The following RAPGEF2 variants were observed in gnomAD, a reference collection of about 807,000 sequenced individuals.
RAPGEF2 encodes Rap guanine nucleotide exchange factor 2.
A neutral mutation model predicts 186.7 loss-of-function variants in RAPGEF2; 54 were observed. That is an observed-to-expected ratio of 0.29 (90% CI 0.23 to 0.36). The LOEUF is 0.36. Ranked by LOEUF, RAPGEF2 falls within the 10% of genes least tolerant of loss-of-function variation. The pLI, the probability that RAPGEF2 is intolerant of heterozygous loss-of-function variation, is 1.00. For missense variants in RAPGEF2, 1,532 were observed against 2,045.0 expected (o/e 0.75, Z 4.84); for synonymous variants, 712 against 705.9 (o/e 1.01, Z -0.14).
In RAPGEF2 at chr4:159,210,558, G is replaced by A; in HGVS notation, c.256G>A (p.Glu86Lys). The A allele has an allele frequency of 6.5e-7, 1 of 1,533,096 alleles. No homozygotes were observed. The highest frequency in any genetic ancestry group is 2.0e-5 in the Admixed American group (1 of 50,968). The allele number at this position is 1,533,096 out of a possible 1,614,324, so 95.0% of individuals were successfully genotyped here. The change falls in exon 4 of 30, where the codon GAA (glutamate) becomes AAA (lysine). Residue 86 changes from glutamate (E) to lysine (K), a missense_variant. Glu to Lys is a moderately conservative substitution (Grantham distance 56). Transcript: ENST00000691494. ...TCTTTCTGGTTCCGTGTTCATCAAG[G>A]AATCCATGTTTCTTCCAAGAAGCAG... ...ILLSGSVFIK[E>K]SMFLPRSSFG...
At chr4:159,336,149 TTG>T (rs1360951497) in intron 17 of RAPGEF2, among the ~76,000 whole-genome samples, 4 of 123,336 alleles carry the variant, frequency 3.2e-5, no homozygotes, top group Non-Finnish European at 6.7e-5. Flanking sequence ...CACACTGAAA[TTG>T]TCTTTATTTT....
chr4:159,147,921 T>G (rs75437977), intron 1 of RAPGEF2, among the ~76,000 whole-genome samples: 2,265 of 152,326 alleles, frequency 0.015, 69 homozygotes, highest in African/African-American at 0.051. Flanking sequence ...CTGGCACATG[T>G]GCCTAATAAA....
intron 9 of RAPGEF2, among the ~76,000 whole-genome samples, chr4:159,319,652 C>A (rs1447257017): frequency 2.0e-5 from 3 of 152,040 alleles, no homozygotes; most frequent in Admixed American, 2.0e-4. Flanking sequence ...TCTGGTTTAG[C>A]ATTTATGTAT....
intron 1 of RAPGEF2, among the ~76,000 whole-genome samples, chr4:159,125,842 T>C (rs1323215258): frequency 6.6e-6 from 1 of 152,214 alleles, no homozygotes; most frequent in Non-Finnish European, 1.5e-5. Context: ...AAGAGGCTGT[T>C]CCAATTGGAT....
In RAPGEF2 at chr4:159,278,114, T is replaced by A. The variant is rs185981841; in HGVS notation, c.544-26228T>A. ...AAGTCTTTAATCCATCTCCAATTAA[T>A]TTTTGTATAAGGTGTAAGGAAGGGA... On this transcript the variant is annotated intron_variant, in intron 7 of 29. Transcript: ENST00000691494. Among the ~76,000 whole-genome samples, 640 of 152,334 alleles carry A rather than the reference T, an allele frequency of 4.2e-3. 9 individuals are homozygous for A. Among genetic ancestry groups the A allele is most frequent in the African/African-American group, 0.015 (608 of 41,570 alleles).
chr4:159,284,530 ACACACG>A (rs1760188214), intron 7 of RAPGEF2, among the ~76,000 whole-genome samples: 1 of 133,032 alleles, frequency 7.5e-6, no homozygotes, highest in East Asian at 2.2e-4. Flanking sequence ...ACACACACAC[ACACACG>A]AATTGTAAAT....
chr4:159,295,746 T>TGCGC (rs1379863528), intron 7 of RAPGEF2, among the ~76,000 whole-genome samples: 5 of 125,568 alleles, frequency 4.0e-5, no homozygotes, highest in Admixed American at 7.4e-5. Context: ...TGTGTGTGTG[T>TGCGC]GTGTGTGTGC....
intron 7 of RAPGEF2, among the ~76,000 whole-genome samples, chr4:159,295,701 AAGAG>A (rs547588809): frequency 2.6e-4 from 38 of 145,560 alleles, no homozygotes; most frequent in South Asian, 6.8e-4. Flanking sequence ...TGACTAGCAT[AAGAG>A]AGAGAGAGTG....
In RAPGEF2 at chr4:159,352,791, G is replaced by A. The variant is rs1231966862; in HGVS notation, c.3972G>A (p.Val1324=). ...TTAGCAATTCGTCTTTTGACTCAGT[G>A]CCAGTCTCACTGCACGATGAGAGGC... ...SIVSNSSFDS[V]PVSLHDERRQ... Residue 1324 remains valine, a synonymous_variant, in exon 27 of 30, where the codon GTG becomes GTA. Coordinates refer to ENST00000691494, the MANE Select transcript of RAPGEF2 (RefSeq NM_001394067.2). 5 of 1,614,152 alleles carry A rather than the reference G, an allele frequency of 3.1e-6. No homozygotes were observed. Among genetic ancestry groups the A allele is most frequent in the Admixed American group, 1.7e-5 (1 of 60,022 alleles).
At position 159,235,738 on chromosome 4, in the gene RAPGEF2, T is replaced by A. The variant is rs150706386; in HGVS notation, c.282-3071T>A. Among the ~76,000 whole-genome samples, 308 of 152,324 alleles carry A rather than the reference T, an allele frequency of 2.0e-3. 1 individual carries two copies. Among genetic ancestry groups the A allele is most frequent in the African/African-American group, 6.7e-3 (279 of 41,570 alleles). ...ATTTGTGTAGAACTTCGCCAAAGATTTTTGAAAATGTAGTAAATAATCATA... is the reference window on the plus strand; with the variant it reads ...ATTTGTGTAGAACTTCGCCAAAGATATTTGAAAATGTAGTAAATAATCATA... On this transcript the variant is annotated intron_variant, in intron 4 of 29. Transcript: ENST00000691494.
rs77747065 is a variant in RAPGEF2, at chr4:159,341,509, A to G, written c.2535-55A>G. On this transcript the variant is annotated intron_variant, in intron 19 of 29. Transcript: ENST00000691494. ...AAAAGTAGCATTATTCTTTCAAGGA[A>G]TATCATGAGATTGCTGCTTAGGCTT... 14 of 1,497,824 alleles carry G rather than the reference A, an allele frequency of 9.3e-6. No homozygotes were observed. In the South Asian group the frequency reaches 1.2e-4, roughly 13 times the overall value. 92.8% of individuals were successfully genotyped at this position (1,497,824 alleles called of 1,614,324 possible).
intron 1 of RAPGEF2, among the ~76,000 whole-genome samples, chr4:159,105,517 GCACAT>G (rs1737777413): frequency 6.6e-6 from 1 of 152,198 alleles, no homozygotes; most frequent in African/African-American, 2.4e-5. Context: ...TGGATAGATT[GCACAT>G]ATTTATCAAA....
At chr4:159,261,338 G>C (rs6824044) in intron 7 of RAPGEF2, among the ~76,000 whole-genome samples, 1 of 152,152 alleles carries the variant, frequency 6.6e-6, no homozygotes, top group Non-Finnish European at 1.5e-5. Flanking sequence ...CTGGGATTAC[G>C]GGCGTGAGCC....
chr4:159,104,518 G>C (rs1396252122), intron 1 of RAPGEF2, among the ~76,000 whole-genome samples: 17 of 130,194 alleles, frequency 1.3e-4, no homozygotes, highest in African/African-American at 2.7e-4. Flanking sequence ...GAGAGAGAGA[G>C]AGAGAGAGGG....
intron 6 of RAPGEF2, among the ~76,000 whole-genome samples, 179 bp downstream of exon 6, chr4:159,241,547 TATA>T (rs1172563915): frequency 6.7e-6 from 1 of 148,508 alleles, no homozygotes; most frequent in Non-Finnish European, 1.5e-5. Context: ...AAAATAAATA[TATA>T]ATATGTATAT....
Position 159,359,222 on chromosome 4 carries a change from A to C in RAPGEF2, c.*1083A>C, listed in dbSNP as rs2111369129. 1 of 152,250 alleles carries C rather than the reference A, an allele frequency of 6.6e-6. No homozygotes were observed. The highest frequency in any genetic ancestry group is 1.9e-4 in the East Asian group (1 of 5,184). The allele number at this position is 152,250 out of a possible 1,614,324, so 9.4% of individuals were successfully genotyped here. On this transcript the variant is annotated 3_prime_UTR_variant, in exon 30 of 30. Transcript: ENST00000691494. ...CAGTGAAAGCAGCTTGGGATGTTGGAGCTAATGCCAGCTGTTTATACTGCT... is the reference window on the plus strand; with the variant it reads ...CAGTGAAAGCAGCTTGGGATGTTGGCGCTAATGCCAGCTGTTTATACTGCT...
intron 1 of RAPGEF2, among the ~76,000 whole-genome samples, chr4:159,136,360 A>G (rs1741722687): frequency 6.6e-6 from 1 of 152,186 alleles, no homozygotes; most frequent in Non-Finnish European, 1.5e-5. Flanking sequence ...GGGGATGTTA[A>G]TTATTGGAGA....
chr4:159,331,842 T>C lies in RAPGEF2; in HGVS notation c.1779+9T>C, dbSNP rs1021408087. On this transcript the variant is annotated intron_variant, in intron 15 of 29. Coordinates refer to ENST00000691494, the MANE Select transcript of RAPGEF2 (RefSeq NM_001394067.2). ...TGAAACGGGGGGATCAGGTATGCCA[T>C]TTCTAAACTCATTTAAGGGTGAATT... 6.2e-7 allele frequency: 1 copy of C among 1,613,432 alleles called. No homozygotes were observed. Among genetic ancestry groups the C allele is most frequent in the African/African-American group, 1.3e-5 (1 of 74,858 alleles).
intron 7 of RAPGEF2, among the ~76,000 whole-genome samples, chr4:159,286,440 C>T (rs1026070946): frequency 3.3e-5 from 5 of 152,104 alleles, no homozygotes; most frequent in Non-Finnish European, 7.4e-5. Flanking sequence ...CTTCTGCATG[C>T]TATTCTTCAC....
Sources: gnomAD v4.1 joint callset for allele counts (sites outside exome capture counted in the v4.1 genomes callset) on GRCh38, gnomAD v4.1.1 for gene constraint, MANE v1.5 for transcripts, NCBI Gene and HGNC (gene_info 2026-07-23, HGNC 2026-07-21) for gene names.